The following SMARCA1 variants were observed in gnomAD, a reference collection of about 807,000 sequenced individuals.
SMARCA1 encodes the protein SWI/SNF-related matrix-associated actin-dependent regulator of chromatin subfamily A member 1.
A neutral mutation model predicts 93.6 loss-of-function variants in SMARCA1; 17 were observed. The ratio of observed to expected loss-of-function variants is 0.18; its 90% CI spans 0.12 to 0.27. The LOEUF is 0.27. Ranked by LOEUF, SMARCA1 falls within the 10% of genes least tolerant of loss-of-function variation. SMARCA1 has a pLI of 1.00. For missense variants in SMARCA1, 630 were observed against 819.0 expected (o/e 0.77, Z 2.82); for synonymous variants, 271 against 271.4 (o/e 1.00, Z 0.01).
At chrX:129,513,155 A>G in intron 5 of SMARCA1, among the ~76,000 whole-genome samples, 1 of 112,188 alleles carries the variant, frequency 8.9e-6, no homozygotes, top group Middle Eastern at 4.6e-3. Context: ...GCAGAATTAT[A>G]ACTTAATTTT....
intron 9 of SMARCA1, among the ~76,000 whole-genome samples, chrX:129,500,131 A>AAAAAAT (rs1556310867): frequency 3.8e-5 from 4 of 105,953 alleles, no homozygotes; most frequent in African/African-American, 1.4e-4. Context: ...CTTAAAAAAA[A>AAAAAAT]AAAAAAAAGA....
At chrX:129,489,718 C>G (rs991554833) in intron 15 of SMARCA1, among the ~76,000 whole-genome samples, 1 of 111,412 alleles carries the variant, frequency 9.0e-6, no homozygotes, top group African/African-American at 3.3e-5. Context: ...CCACCACACC[C>G]GGCTAATTTT....
intron 6 of SMARCA1, 133 bp from the exon 7 acceptor site, chrX:129,508,229 T>C (rs1484130548): frequency 2.4e-6 from 1 of 413,047 alleles, no homozygotes; most frequent in Non-Finnish European, 3.8e-6. Context: ...GTTTCATCCA[T>C]TTTAGAGATG....
intron 18 of SMARCA1, 94 bp downstream of exon 18, chrX:129,480,981 T>C: frequency 3.4e-6 from 2 of 594,395 alleles, no homozygotes; most frequent in Non-Finnish European, 5.3e-6. Context: ...TTAGAGACTA[T>C]GATTTGGCAA....
At chrX:129,520,098 C>T (rs1935333056) in intron 1 of SMARCA1, among the ~76,000 whole-genome samples, 2 of 109,435 alleles carry the variant, frequency 1.8e-5, no homozygotes, top group Admixed American at 2.0e-4. Flanking sequence ...CACTATCTTC[C>T]ACAACAAATT....
chrX:129,492,590 G>A (rs1934169075), intron 13 of SMARCA1, among the ~76,000 whole-genome samples: 1 of 110,932 alleles, frequency 9.0e-6, no homozygotes, highest in African/African-American at 3.3e-5. Flanking sequence ...ACGGATAAAG[G>A]GGAAAGTAAG....
rs78495638 is a variant in SMARCA1, at chrX:129,473,045, C to A, written c.2443-1719G>T. Among the ~76,000 whole-genome samples, 263 of 111,242 alleles carry A rather than the reference C, an allele frequency of 2.4e-3. 7 individuals carry two copies. In the East Asian group the frequency reaches 0.068, roughly 29 times the overall value. On this transcript the variant is annotated intron_variant, in intron 19 of 24. Coordinates refer to ENST00000371121, the MANE Select transcript of SMARCA1 (RefSeq NM_001282874.2). Reference sequence around the variant, plus strand: ...GAATATTCTAGGCTAGGGGTATGAGCAAAAGCATGAAGGCAGAAATGTGCA... The same window carrying A: ...GAATATTCTAGGCTAGGGGTATGAGAAAAAGCATGAAGGCAGAAATGTGCA...
chrX:129,494,687 T>A (rs1353906899), intron 12 of SMARCA1, among the ~76,000 whole-genome samples: 1 of 111,457 alleles, frequency 9.0e-6, no homozygotes, highest in East Asian at 2.8e-4. Flanking sequence ...CGTACTGCAA[T>A]ATGCCGTTTA....
In SMARCA1 at chrX:129,516,264, A is replaced by G. The variant is rs1935198119; in HGVS notation, c.428+67T>C. On this transcript the variant is annotated intron_variant, in intron 3 of 24. Coordinates refer to ENST00000371121, the MANE Select transcript of SMARCA1 (RefSeq NM_001282874.2). ...GAGCGAAGGGGTGCATGAAGGGATC[A>G]AGGGAGGACAGGAGGAAGAAAAGGT... is the stretch of plus-strand genomic sequence containing the variant. The G allele has an allele frequency of 3.9e-6, 4 of 1,036,184 alleles. No homozygotes were observed. In the East Asian group the frequency reaches 9.1e-5, roughly 24 times the overall value. 85.4% of individuals were successfully genotyped at this position (1,036,184 alleles called of 1,213,427 possible).
rs1933613233 is a variant in SMARCA1, at chrX:129,480,681, T to C, written c.2442+20A>G. 1.3e-6 allele frequency: 1 copy of C among 793,764 alleles called. No individual in the cohort carries two copies. Among genetic ancestry groups the C allele is most frequent in the Non-Finnish European group, 1.7e-6 (1 of 577,326 alleles). 65.4% of individuals were successfully genotyped at this position (793,764 alleles called of 1,213,427 possible). On this transcript the variant is annotated intron_variant, in intron 19 of 24. Coordinates refer to ENST00000371121, the MANE Select transcript of SMARCA1 (RefSeq NM_001282874.2). The stretch of plus-strand genomic sequence containing the variant: ...TTTTAAAGATTATATTATATTAATC[T>C]TAAAAAATGGAAAAAATACCTTATA...
chrX:129,515,570 T>C (rs765523357), intron 5 of SMARCA1, 117 bp downstream of exon 5: 5 of 514,435 alleles, frequency 9.7e-6, no homozygotes, highest in Non-Finnish European at 1.7e-5. Flanking sequence ...ACCTTTTACA[T>C]GATAACAACT....
Position 129,478,911 on chromosome X carries a change from G to A in SMARCA1, c.2442+1790C>T, listed in dbSNP as rs140326636. Among the ~76,000 whole-genome samples the A allele has an allele frequency of 1.6e-3, 178 of 111,606 alleles. 2 individuals are homozygous for A. The South Asian group carries it at 0.017, about 11-fold the overall frequency. On this transcript the variant is annotated intron_variant, in intron 19 of 24. Coordinates refer to ENST00000371121, the MANE Select transcript of SMARCA1 (RefSeq NM_001282874.2). ...CAGAAAGAGCCCAGAACGTCTGAGC[G>A]GAACGAATAGAACATCTGAATACTG... is the stretch of plus-strand genomic sequence containing the variant.
At chrX:129,516,143 C>T (rs990862761) in intron 3 of SMARCA1, 149 bp from the exon 4 acceptor site, 17 of 585,818 alleles carry the variant, frequency 2.9e-5, no homozygotes, top group Non-Finnish European at 4.0e-5. Context: ...TACATTTTTA[C>T]TGATCAGCCT....
intron 6 of SMARCA1, among the ~76,000 whole-genome samples, chrX:129,508,466 T>TG (rs1934904552): frequency 1.8e-5 from 2 of 112,588 alleles, no homozygotes; most frequent in Admixed American, 1.9e-4. Flanking sequence ...AACATATTCT[T>TG]GCCAAGATCC....
rs144845477 is a variant in SMARCA1 at position 129,483,812 on chromosome X, T to C, written c.2218-2627A>G. Among the ~76,000 whole-genome samples, 1,059 of 112,284 alleles carry C rather than the reference T, an allele frequency of 9.4e-3. 8 individuals carry two copies. Among genetic ancestry groups the C allele is most frequent in the African/African-American group, 0.03 (937 of 31,028 alleles). On this transcript the variant is annotated intron_variant, in intron 17 of 24. Coordinates refer to ENST00000371121, the MANE Select transcript of SMARCA1 (RefSeq NM_001282874.2). ...TCATGATTTAATTTACCAGGTATGG[T>C]TGTAAAAGTAATGCAACTGATTCAA...
rs1437262075 is a variant in SMARCA1 at position 129,516,005 on chromosome X, A to G, written c.429-11T>C. 12 of 1,141,053 alleles carry G rather than the reference A, an allele frequency of 1.1e-5. No homozygotes were observed. The highest frequency in any genetic ancestry group is 1.4e-5 in the Non-Finnish European group (12 of 833,207). 94.0% of individuals were successfully genotyped at this position (1,141,053 alleles called of 1,213,427 possible). On this transcript the variant is annotated splice_polypyrimidine_tract_variant and intron_variant, in intron 3 of 24. Transcript: ENST00000371121. ...CGCCTATGGCGGTAGCTGAAATTAA[A>G]AAAGGAAATCCCTTCATATTCGACC...
chrX:129,456,311 T>C (rs942492981), intron 23 of SMARCA1, among the ~76,000 whole-genome samples: 2 of 111,782 alleles, frequency 1.8e-5, no homozygotes, highest in Non-Finnish European at 3.8e-5. Flanking sequence ...TTTAAAATAT[T>C]ATTGCTCTTT....
chrX:129,503,642 G>C (rs771468452), intron 9 of SMARCA1, among the ~76,000 whole-genome samples: 2 of 111,592 alleles, frequency 1.8e-5, no homozygotes, highest in African/African-American at 6.5e-5. Flanking sequence ...GAAAGCACTA[G>C]AAAGAGATGA....
At chrX:129,471,183 C>A (rs772786274) in intron 20 of SMARCA1, 21 bp downstream of exon 20, 1 of 1,164,678 alleles carries the variant, frequency 8.6e-7, no homozygotes, top group South Asian at 1.9e-5. Context: ...GTAAGTATTA[C>A]AGCCATTGAA....
Sources: allele counts gnomAD v4.1 joint callset (sites outside exome capture counted in the v4.1 genomes callset), GRCh38; gene constraint gnomAD v4.1.1; transcripts MANE v1.5; gene names NCBI Gene and HGNC (gene_info 2026-07-23, HGNC 2026-07-21).